IFNLR1: variants seen among roughly 807,000 people sequenced by gnomAD.
The protein encoded by IFNLR1 is CRF2-12.
Under a neutral mutation model 52.5 loss-of-function variants are expected in IFNLR1, and 28 were observed. The observed-to-expected ratio is 0.53, with a 90% CI of 0.40 to 0.73. The LOEUF is 0.73. Among genes scored for constraint, IFNLR1 ranks in the 30% least tolerant of loss-of-function variants. The pLI, the probability that IFNLR1 is intolerant of heterozygous loss-of-function variation, is 0.00. For missense variants in IFNLR1, 623 were observed against 659.1 expected (o/e 0.95, Z 0.60); for synonymous variants, 276 against 274.9 (o/e 1.00, Z -0.04).
chr1:24,172,374 C>T (rs530374479), intron 2 of IFNLR1, among the ~76,000 whole-genome samples: 28 of 152,080 alleles, frequency 1.8e-4, no homozygotes, highest in African/African-American at 6.7e-4. Flanking sequence ...CCTGATACTT[C>T]AAAATGGGCA....
chr1:24,169,553 G>C lies in IFNLR1; in HGVS notation c.231C>G (p.Thr77=), dbSNP rs1438620578. 6.2e-7 allele frequency: 1 copy of C among 1,614,184 alleles called. No homozygotes were observed. ...ACATCATAGAACATAGCAGCTCCTT[G>C]GTTCCCGCACACTCTTCCACTTCGC... is the stretch of plus-strand genomic sequence containing the variant. ...RWREVEECAG[T]KELLCSMMCL... Residue 77 remains threonine (T), a synonymous_variant, in exon 3 of 7, where the codon ACC becomes ACG. Coordinates refer to ENST00000327535, the MANE Select transcript of IFNLR1 (RefSeq NM_170743.4).
chr1:24,178,128 T>C (rs1273102263), intron 2 of IFNLR1, among the ~76,000 whole-genome samples: 2 of 151,966 alleles, frequency 1.3e-5, no homozygotes, highest in African/African-American at 2.4e-5. Flanking sequence ...CTACTAAAAA[T>C]ACAAAAATTA....
intron 2 of IFNLR1, 57 bp downstream of exon 2, chr1:24,180,674 C>CA (rs36035671): frequency 1.3e-5 from 14 of 1,108,640 alleles, no homozygotes; most frequent in Middle Eastern, 2.6e-4. Flanking sequence ...GAAGCCCCTC[C>CA]AGCCCCCACC....
intron 3 of IFNLR1, among the ~76,000 whole-genome samples, chr1:24,162,714 TC>T (rs1363942870): frequency 1.3e-4 from 4 of 30,790 alleles, no homozygotes; most frequent in Non-Finnish European, 6.5e-5. Flanking sequence ...TTCTTTTCTT[TC>T]TTTCTTTCTT....
At chr1:24,158,012 G>T in intron 6 of IFNLR1, 121 bp from the exon 7 acceptor site, 1 of 964,982 alleles carries the variant, frequency 1.0e-6, no homozygotes, top group Non-Finnish European at 1.5e-6. Context: ...CAGTTTCTTT[G>T]GGAGATGATC....
At chr1:24,169,721 C>T (rs773469912) in intron 2 of IFNLR1, 120 bp from the exon 3 acceptor site, 19 of 1,020,848 alleles carry the variant, frequency 1.9e-5, no homozygotes, top group Middle Eastern at 3.2e-4. Context: ...TCCATCCGTC[C>T]AGACAGGCAG....
chr1:24,165,398 C>T (rs57507077), intron 3 of IFNLR1, among the ~76,000 whole-genome samples: 33,170 of 152,122 alleles, frequency 0.22, 3,936 homozygotes, highest in East Asian at 0.5. Context: ...AGTGTTAGTG[C>T]GTCTACTAAC....
At position 24,187,177 on chromosome 1, in the gene IFNLR1, C is replaced by A; in HGVS notation, c.58+14G>T. The A allele has an allele frequency of 7.3e-7, 1 of 1,361,622 alleles. No homozygotes were observed. The highest frequency in any genetic ancestry group is 9.5e-7 in the Non-Finnish European group (1 of 1,053,788). The allele number at this position is 1,361,622 out of a possible 1,614,324, so 84.3% of individuals were successfully genotyped here. The stretch of plus-strand genomic sequence containing the variant: ...GCCCTCTTCCCCCTCCCTCCCGCGG[C>A]CCCGCGCCCTTACCTGGAGCGGCCT... On this transcript the variant is annotated intron_variant, in intron 1 of 6. Transcript: ENST00000327535.
intron 4 of IFNLR1, among the ~76,000 whole-genome samples, chr1:24,160,830 C>T (rs564768950): frequency 2.6e-5 from 4 of 151,942 alleles, no homozygotes; most frequent in South Asian, 2.1e-4. Context: ...TGGGCTCGAG[C>T]GATCCTCCTG....
intron 3 of IFNLR1, among the ~76,000 whole-genome samples, chr1:24,162,872 T>TTCCTTCC (rs1644474109): frequency 6.5e-4 from 26 of 40,128 alleles, no homozygotes; most frequent in Admixed American, 8.6e-4. Context: ...TCTTTCTTTC[T>TTCCTTCC]TTCTTTCCTT....
At chr1:24,181,804 A>G (rs1200494767) in intron 1 of IFNLR1, among the ~76,000 whole-genome samples, 2 of 152,202 alleles carry the variant, frequency 1.3e-5, no homozygotes, top group Non-Finnish European at 2.9e-5. Flanking sequence ...TTGGACATGG[A>G]TCAGACAAGA....
intron 3 of IFNLR1, among the ~76,000 whole-genome samples, chr1:24,162,864 TTTCTTTCTTTCTTTCCTTCCTTCCTTCC>T (rs1557644286): frequency 0.028 from 2,110 of 74,360 alleles, 81 homozygotes; most frequent in East Asian, 0.053. Context: ...TCTTTCTTTC[TTTCTTTCTTTCTTTCCTTCCTTCCTTCC>T]TTCCTTCCTT....
intron 1 of IFNLR1, among the ~76,000 whole-genome samples, chr1:24,186,676 CAACAACAACAACAA>C (rs1278034368): frequency 4.6e-5 from 7 of 151,964 alleles, no homozygotes; most frequent in East Asian, 1.9e-4. Flanking sequence ...ACAACAACAA[CAACAACAACAACAA>C]AACAACAACA....
At chr1:24,182,107 C>T (rs1026096601) in intron 1 of IFNLR1, among the ~76,000 whole-genome samples, 1 of 151,056 alleles carries the variant, frequency 6.6e-6, no homozygotes, top group Non-Finnish European at 1.5e-5. Context: ...GGCTGAGGCA[C>T]GAGAATTGCT....
intron 2 of IFNLR1, among the ~76,000 whole-genome samples, chr1:24,177,368 C>T (rs1328778348): frequency 6.6e-6 from 1 of 152,200 alleles, no homozygotes; most frequent in African/African-American, 2.4e-5. Context: ...GTGCAGCCTT[C>T]AGTCTGTGAC....
At chr1:24,181,659 T>C (rs1644691781) in intron 1 of IFNLR1, among the ~76,000 whole-genome samples, 1 of 152,182 alleles carries the variant, frequency 6.6e-6, no homozygotes, top group African/African-American at 2.4e-5. Context: ...TGAACTTGTT[T>C]TGCATTGAGG....
intron 5 of IFNLR1, 129 bp from the exon 6 acceptor site, chr1:24,159,311 C>T: frequency 7.5e-7 from 1 of 1,342,128 alleles, no homozygotes; most frequent in South Asian, 1.4e-5. Context: ...GCAGACTGTG[C>T]AAACCAAGGT....
intron 2 of IFNLR1, among the ~76,000 whole-genome samples, chr1:24,180,174 G>A (rs764680969): frequency 2.6e-4 from 39 of 152,122 alleles, no homozygotes; most frequent in South Asian, 4.1e-4. Flanking sequence ...GCATATGCCT[G>A]TAATCCCAGC....
chr1:24,161,345 T>C, intron 4 of IFNLR1, 197 bp downstream of exon 4: 2 of 639,254 alleles, frequency 3.1e-6, no homozygotes, highest in South Asian at 3.9e-5. Flanking sequence ...CTGAATCTGT[T>C]GACTTGGCAA....
Sources: gnomAD v4.1 joint callset for allele counts (sites outside exome capture counted in the v4.1 genomes callset) on GRCh38, gnomAD v4.1.1 for gene constraint, MANE v1.5 for transcripts, NCBI Gene and HGNC (gene_info 2026-07-23, HGNC 2026-07-21) for gene names.